The following IL1RAPL1 variants were observed in gnomAD, a reference collection of about 807,000 sequenced individuals.
IL1RAPL1 encodes interleukin-1 receptor accessory protein-like 1.
IL1RAPL1 carries 3 observed loss-of-function variants against 48.4 expected under a neutral mutation model. The observed-to-expected ratio is 0.06, with a 90% confidence interval of 0.03 to 0.16. The LOEUF (loss-of-function observed/expected upper bound fraction) is 0.16, where lower values mean the gene tolerates loss of function less well. Among genes scored for constraint, IL1RAPL1 ranks in the 10% least tolerant of loss-of-function variants. IL1RAPL1 has a pLI of 1.00. For synonymous variants in IL1RAPL1, 185 were observed against 187.7 expected (o/e 0.99, Z 0.12); for missense variants, 349 against 530.6 (o/e 0.66, Z 3.36).
intron 6 of IL1RAPL1, among the ~76,000 whole-genome samples, chrX:29,718,993 G>A (rs1013328699): frequency 1.8e-5 from 2 of 111,946 alleles, no homozygotes; most frequent in African/African-American, 3.2e-5. Flanking sequence ...GTAACCCTTC[G>A]GAAGTCACAA....
At chrX:29,586,687 G>T (rs1923175224) in intron 5 of IL1RAPL1, among the ~76,000 whole-genome samples, 1 of 110,445 alleles carries the variant, frequency 9.1e-6, no homozygotes, top group Non-Finnish European at 1.9e-5. Flanking sequence ...ATATCTATTT[G>T]TTTGTGCCTT....
At chrX:29,582,361 A>T (rs1366742903) in intron 5 of IL1RAPL1, among the ~76,000 whole-genome samples, 8 of 94,967 alleles carry the variant, frequency 8.4e-5, no homozygotes, top group African/African-American at 2.3e-4. Context: ...TTTTTTTTTT[A>T]TTTTTTTATT....
At chrX:29,583,895 C>G (rs146358885) in intron 5 of IL1RAPL1, among the ~76,000 whole-genome samples, 1 of 111,572 alleles carries the variant, frequency 9.0e-6, no homozygotes, top group Non-Finnish European at 1.9e-5. Flanking sequence ...ATTGCAGGCA[C>G]TCAGAAGTAA....
intron 3 of IL1RAPL1, among the ~76,000 whole-genome samples, chrX:29,291,800 A>G (rs755347976): frequency 3.7e-4 from 42 of 112,481 alleles, no homozygotes; most frequent in Non-Finnish European, 6.9e-4. Flanking sequence ...TGAAGCTTCC[A>G]TGTATTAAGT....
intron 1 of IL1RAPL1, among the ~76,000 whole-genome samples, chrX:28,731,784 C>A (rs1935758659): frequency 9.0e-6 from 1 of 111,667 alleles, no homozygotes; most frequent in African/African-American, 3.3e-5. Context: ...TAACCCCAGA[C>A]AACTGTCCTA....
At chrX:29,248,650 C>A (rs781092067) in intron 2 of IL1RAPL1, among the ~76,000 whole-genome samples, 3 of 111,734 alleles carry the variant, frequency 2.7e-5, no homozygotes, top group Non-Finnish European at 3.8e-5. Context: ...TTTTACCCAT[C>A]GGATTAACAA....
At chrX:28,956,768 T>C (rs1210120867) in intron 2 of IL1RAPL1, among the ~76,000 whole-genome samples, 1 of 108,288 alleles carries the variant, frequency 9.2e-6, no homozygotes. Flanking sequence ...AGAATGATGC[T>C]GGCCTCATAA....
chrX:29,896,372 T>A (rs1169025544), intron 6 of IL1RAPL1, among the ~76,000 whole-genome samples: 1 of 106,952 alleles, frequency 9.3e-6, no homozygotes, highest in Non-Finnish European at 1.9e-5. Context: ...GAGAAGACAG[T>A]GATAACTTTG....
rs373544106 is a variant in IL1RAPL1, at chrX:29,001,986, G to A, written c.82+212561G>A. On this transcript the variant is annotated intron_variant, in intron 2 of 10. Coordinates refer to ENST00000378993, the MANE Select transcript of IL1RAPL1 (RefSeq NM_014271.4). ...ATCTCAGCTCACTGCAACCTCCCCC[G>A]CCGAGTTCAAGCAATTCTCCTGCCT... 7.7e-5 allele frequency among the ~76,000 whole-genome samples: 8 copies of A among 103,919 alleles called. No homozygotes were observed. The East Asian group carries it at 9.4e-4, about 12-fold the overall frequency. 90.2% of individuals were successfully genotyped at this position (103,919 alleles called of 115,157 possible). A position where few individuals can be genotyped will look rare whatever the true frequency, so the allele number is the denominator to read the frequency against.
chrX:28,633,492 A>C (rs184898786), intron 1 of IL1RAPL1, among the ~76,000 whole-genome samples: 364 of 111,939 alleles, frequency 3.3e-3, no homozygotes, highest in Middle Eastern at 0.014. Flanking sequence ...GAAATACCAA[A>C]CCATGGCATA....
At chrX:29,779,076 C>T (rs1929274944) in intron 6 of IL1RAPL1, among the ~76,000 whole-genome samples, 1 of 111,211 alleles carries the variant, frequency 9.0e-6, no homozygotes, top group African/African-American at 3.3e-5. Flanking sequence ...TTGAGTACCT[C>T]GATATTAAGC....
At chrX:28,760,261 AACTG>A (rs1237252604) in intron 1 of IL1RAPL1, among the ~76,000 whole-genome samples, 9 of 111,936 alleles carry the variant, frequency 8.0e-5, no homozygotes, top group African/African-American at 2.9e-4. Context: ...AATAATTGGA[AACTG>A]ACAGAATAAC....
At chrX:29,711,392 A>G (rs764474046) in intron 6 of IL1RAPL1, among the ~76,000 whole-genome samples, 7 of 109,421 alleles carry the variant, frequency 6.4e-5, no homozygotes, top group African/African-American at 2.3e-4. Flanking sequence ...TATGTTGGTC[A>G]GGCTGGTCTT....
At chrX:29,318,041 G>C (rs1252177708) in intron 3 of IL1RAPL1, among the ~76,000 whole-genome samples, 1 of 111,905 alleles carries the variant, frequency 8.9e-6, no homozygotes, top group African/African-American at 3.2e-5. Context: ...AGCTCTCCAA[G>C]ATAGAACTGA....
At chrX:29,101,842 C>T (rs991126341) in intron 2 of IL1RAPL1, among the ~76,000 whole-genome samples, 9 of 111,440 alleles carry the variant, frequency 8.1e-5, no homozygotes, top group Non-Finnish European at 1.7e-4. Context: ...GAGGCTGAGG[C>T]AGGAGAATTG....
chrX:28,999,839 T>C (rs1925808176), intron 2 of IL1RAPL1, among the ~76,000 whole-genome samples: 1 of 112,009 alleles, frequency 8.9e-6, no homozygotes, highest in East Asian at 2.8e-4. Flanking sequence ...TGCTTTGTTA[T>C]CTATATAGTC....
chrX:28,739,958 C>A (rs758009741), intron 1 of IL1RAPL1, among the ~76,000 whole-genome samples: 48 of 108,180 alleles, frequency 4.4e-4, no homozygotes, highest in Non-Finnish European at 8.1e-4. Flanking sequence ...ACACTGAACT[C>A]CCAAGATGGG....
chrX:29,394,384 G>A (rs1198393789), intron 3 of IL1RAPL1, among the ~76,000 whole-genome samples: 1 of 111,661 alleles, frequency 9.0e-6, no homozygotes, highest in Non-Finnish European at 1.9e-5. Context: ...GTGACTTTCA[G>A]TCTTGCTTCT....
chrX:29,874,446 A>G (rs1156338459), intron 6 of IL1RAPL1, among the ~76,000 whole-genome samples: 43 of 110,838 alleles, frequency 3.9e-4, no homozygotes, highest in Non-Finnish European at 3.2e-4. Flanking sequence ...TGCCCCTCCC[A>G]CTCTCTTCTC....
Sources: gnomAD v4.1 joint callset for allele counts (sites outside exome capture counted in the v4.1 genomes callset) on GRCh38, gnomAD v4.1.1 for gene constraint, MANE v1.5 for transcripts, NCBI Gene and HGNC (gene_info 2026-07-23, HGNC 2026-07-21) for gene names.